Variants in C11orf65 observed in about 807,000 individuals in gnomAD.
C11orf65 encodes the protein protein MFI.
C11orf65 carries 38 observed loss-of-function variants against 35.3 expected under a neutral mutation model. The observed-to-expected ratio is 1.08, with a 90% CI of 0.83 to 1.41. The LOEUF is 1.41. Among genes scored for constraint, C11orf65 ranks in the 40% most tolerant of loss-of-function variants. The probability of loss-of-function intolerance (pLI) is 0.00; values close to 1 mark genes in which losing one functional copy is unlikely to be tolerated. For synonymous variants in C11orf65, 105 were observed against 114.4 expected, an observed-to-expected ratio of 0.92 and a Z score of 0.53; for missense variants, 370 against 367.1, an observed-to-expected ratio of 1.01 and a Z score of -0.06.
intron 3 of C11orf65, among the ~76,000 whole-genome samples, chr11:108,408,518 A>T (rs188918900): frequency 0.015 from 2,216 of 151,568 alleles, 49 homozygotes; most frequent in Non-Finnish European, 0.015. Context: ...TCTACTAAAA[A>T]TACAAAAATT....
chr11:108,451,431 A>G (rs535928412), intron 2 of C11orf65, among the ~76,000 whole-genome samples: 1 of 152,162 alleles, frequency 6.6e-6, no homozygotes, highest in African/African-American at 2.4e-5. Context: ...TAAAATATCT[A>G]GGAATCCAAC....
chr11:108,436,347 A>G (rs2093060193), intron 2 of C11orf65, among the ~76,000 whole-genome samples: 1 of 152,144 alleles, frequency 6.6e-6, no homozygotes, highest in Non-Finnish European at 1.5e-5. Context: ...TTACAGTAGC[A>G]TTAGGAAATT....
chr11:108,452,811 T>C (rs536104969), intron 2 of C11orf65, among the ~76,000 whole-genome samples: 1 of 152,162 alleles, frequency 6.6e-6, no homozygotes, highest in East Asian at 1.9e-4. Context: ...CATGGAATAC[T>C]ATGCAGCCAT....
rs867328471 is a variant in C11orf65 at position 108,428,950 on chromosome 11, G to A, written c.174+2796C>T. Among the ~76,000 whole-genome samples the A allele has an allele frequency of 5.3e-5, 8 of 152,096 alleles. No homozygotes were observed. The Middle Eastern group carries it at 0.014, about 259-fold the overall frequency. ...TTGCTTGAGCCCAGGAGTTTGAGAC[G>A]AGCCTGCGTAACCTAGGGAGATCCC... On this transcript the variant is annotated intron_variant, in intron 3 of 8. Coordinates refer to ENST00000393084, the MANE Select transcript of C11orf65 (RefSeq NM_152587.5).
intron 3 of C11orf65, among the ~76,000 whole-genome samples, chr11:108,419,510 C>T (rs2092785223): frequency 6.6e-6 from 1 of 152,034 alleles, no homozygotes; most frequent in Non-Finnish European, 1.5e-5. Flanking sequence ...CCAGTCTGGG[C>T]AACATAGGAA....
At chr11:108,358,151 G>A (rs975991574) in intron 2 of C11orf65, among the ~76,000 whole-genome samples, 1 of 151,636 alleles carries the variant, frequency 6.6e-6, no homozygotes, top group Non-Finnish European at 1.5e-5. Context: ...GAAGAATGCA[G>A]AAGCCTCAGG....
intron 6 of C11orf65, among the ~76,000 whole-genome samples, chr11:108,323,192 C>T (rs909947950): frequency 2.6e-5 from 4 of 152,082 alleles, no homozygotes; most frequent in African/African-American, 9.7e-5. Context: ...TTCAAAATGA[C>T]ATAGCAGAAG....
At chr11:108,355,111 T>C in intron 2 of C11orf65, 1 of 524,672 alleles carries the variant, frequency 1.9e-6, no homozygotes, top group Non-Finnish European at 3.4e-6. Context: ...AAGTAGTCTC[T>C]AGTTTTCAAT....
rs777468149 is a variant in C11orf65 at position 108,310,137 on chromosome 11, CATT to C, written c.641-1069_641-1067del. 4 of 1,603,620 alleles carry C rather than the reference CATT, an allele frequency of 2.5e-6. No individual in the cohort carries two copies. Among genetic ancestry groups the C allele is most frequent in the Admixed American group, 1.7e-5 (1 of 59,916 alleles). ...TATTGAAGTTTAAAAAAGTGAATGA[CATT>C]ATATCTCATTTTTCTTTAGACCTTC... On this transcript the variant is annotated intron_variant, in intron 6 of 6. Transcript: ENST00000525729.
At chr11:108,357,797 A>T (rs1462034021) in intron 2 of C11orf65, among the ~76,000 whole-genome samples, 2 of 152,066 alleles carry the variant, frequency 1.3e-5, no homozygotes, top group African/African-American at 4.8e-5. Context: ...CCATCTGTAC[A>T]TCACCATCAT....
chr11:108,431,410 T>A (rs2092988299), intron 3 of C11orf65, among the ~76,000 whole-genome samples: 1 of 152,224 alleles, frequency 6.6e-6, no homozygotes, highest in South Asian at 2.1e-4. Context: ...TATAGGATTC[T>A]ATTTATATAC....
chr11:108,450,655 A>C (rs1405582987), intron 2 of C11orf65, among the ~76,000 whole-genome samples: 3 of 150,008 alleles, frequency 2.0e-5, no homozygotes, highest in East Asian at 2.0e-4. Flanking sequence ...GGATAGCATT[A>C]GGAGATATAC....
chr11:108,460,002 T>C (rs1357196115), intron 2 of C11orf65, among the ~76,000 whole-genome samples: 1 of 152,152 alleles, frequency 6.6e-6, no homozygotes, highest in Non-Finnish European at 1.5e-5. Context: ...GGTATAACAG[T>C]GCTCGGCTAT....
chr11:108,406,015 C>T (rs1281610706), intron 5 of C11orf65, among the ~76,000 whole-genome samples: 2 of 152,112 alleles, frequency 1.3e-5, no homozygotes, highest in East Asian at 3.8e-4. Context: ...TTTCCCCCTT[C>T]CAACTCATTC....
At chr11:108,432,735 C>T (rs907011791) in intron 2 of C11orf65, among the ~76,000 whole-genome samples, 1 of 152,090 alleles carries the variant, frequency 6.6e-6, no homozygotes, top group Non-Finnish European at 1.5e-5. Context: ...GATGGTACAG[C>T]CCATGTCTAT....
At chr11:108,397,058 C>T (rs1020338024) in intron 6 of C11orf65, among the ~76,000 whole-genome samples, 4 of 151,802 alleles carry the variant, frequency 2.6e-5, no homozygotes, top group Admixed American at 1.3e-4. Context: ...TGGTGGCTCA[C>T]GCCTGTAATC....
At position 108,455,731 on chromosome 11, in the gene C11orf65, G is replaced by A. The variant is rs371451434; in HGVS notation, c.81+5748C>T. ...CTCGGGAGGCTGAGGCAGGAGAATC[G>A]CTTGAACCCAGGAAGCGGTGGTTGC... is the stretch of plus-strand genomic sequence containing the variant. On this transcript the variant is annotated intron_variant, in intron 2 of 8. Coordinates refer to ENST00000393084, the MANE Select transcript of C11orf65 (RefSeq NM_152587.5). Among the ~76,000 whole-genome samples, 83 of 144,970 alleles carry A rather than the reference G, an allele frequency of 5.7e-4. No individual in the cohort carries two copies. The South Asian group carries it at 0.013, about 22-fold the overall frequency.
chr11:108,423,290 C>T (rs1397391914), intron 3 of C11orf65, among the ~76,000 whole-genome samples: 2 of 152,126 alleles, frequency 1.3e-5, no homozygotes, highest in African/African-American at 2.4e-5. Flanking sequence ...TCTAGCTCAG[C>T]GGATCCCACC....
At chr11:108,382,736 A>T (rs2091891279), downstream of C11orf65, 1 of 976,430 alleles carries the variant, frequency 1.0e-6, no homozygotes. Context: ...AACATGCAAA[A>T]TAATCAGTCT....
Sources: gnomAD v4.1 joint callset for allele counts (sites outside exome capture counted in the v4.1 genomes callset) on GRCh38, gnomAD v4.1.1 for gene constraint, MANE v1.5 for transcripts, NCBI Gene and HGNC (gene_info 2026-07-23, HGNC 2026-07-21) for gene names.